The following TGM6 variants were observed in gnomAD, a reference collection of about 807,000 sequenced individuals.
TGM6 encodes the protein transglutaminase 6, also known as protein-glutamine gamma-glutamyltransferase 6.
Under a neutral mutation model 77.5 loss-of-function variants are expected in TGM6, and 74 were observed. The ratio of observed to expected loss-of-function variants is 0.96; its 90% CI spans 0.79 to 1.16. The LOEUF is 1.16. TGM6 is among the 50% of genes most tolerant of loss of function. The pLI is 0.00. For missense variants in TGM6, 968 were observed against 940.2 expected (o/e 1.03, Z -0.39); for synonymous variants, 383 against 378.9 (o/e 1.01, Z -0.12).
chr20:2,409,755 T>TA (rs1201103646), intron 9 of TGM6, among the ~76,000 whole-genome samples: 1 of 147,364 alleles, frequency 6.8e-6, no homozygotes, highest in African/African-American at 2.5e-5. Context: ...ACTAAACACC[T>TA]AAAAAAGCAG....
chr20:2,416,953 C>A (rs1327712057), intron 9 of TGM6, among the ~76,000 whole-genome samples: 3 of 152,104 alleles, frequency 2.0e-5, no homozygotes, highest in Admixed American at 1.3e-4. Context: ...AAAAATATAG[C>A]ACCAAGTGCT....
chr20:2,432,246 C>T (rs980961239), intron 12 of TGM6, among the ~76,000 whole-genome samples: 29 of 152,096 alleles, frequency 1.9e-4, no homozygotes, highest in African/African-American at 6.8e-4. Context: ...TGAGGTTTCA[C>T]CACGTTGGCC....
At chr20:2,406,831 C>CAA (rs3050731) in intron 9 of TGM6, among the ~76,000 whole-genome samples, 5,508 of 63,376 alleles carry the variant, frequency 0.087, 1,362 homozygotes, top group Non-Finnish European at 0.14. Flanking sequence ...CGAAACTCCT[C>CAA]AAAAAAAAAA....
intron 9 of TGM6, among the ~76,000 whole-genome samples, chr20:2,404,846 G>A (rs2084739142): frequency 6.6e-6 from 1 of 151,996 alleles, no homozygotes; most frequent in Non-Finnish European, 1.5e-5. Flanking sequence ...TCACCATGTT[G>A]GCCAGGCTGC....
intron 7 of TGM6, among the ~76,000 whole-genome samples, chr20:2,402,649 G>A (rs1188024295): frequency 6.6e-6 from 1 of 152,204 alleles, no homozygotes; most frequent in Non-Finnish European, 1.5e-5. Context: ...GCCAAGTCAG[G>A]CAAACCGGGA....
In TGM6 at chr20:2,400,352, C is replaced by T. The variant is rs183923697; in HGVS notation, c.897C>T (p.Asn299=). 1.4e-5 allele frequency: 22 copies of T among 1,614,224 alleles called. No individual in the cohort carries two copies. The African/African-American group carries it at 2.5e-4, about 19-fold the overall frequency. The change falls in exon 7 of 13, where the codon AAC becomes AAT. Residue 299 remains asparagine, a synonymous_variant. Transcript: ENST00000202625. ...GIATRVVSNF[N]SAHDTDQNLS... ...CCACACGGGTCGTGTCCAACTTCAA[C>T]TCAGCCCACGACACAGACCAGAACC...
intron 10 of TGM6, 35 bp downstream of exon 10, chr20:2,417,608 A>G (rs2122411011): frequency 6.4e-7 from 1 of 1,570,670 alleles, no homozygotes; most frequent in South Asian, 1.1e-5. Flanking sequence ...ATCAGGCCAA[A>G]CCACCTCCTT....
intron 1 of TGM6, among the ~76,000 whole-genome samples, chr20:2,388,703 T>A (rs1427523011): frequency 6.6e-6 from 1 of 152,068 alleles, no homozygotes; most frequent in Admixed American, 6.5e-5. Flanking sequence ...AGTACCTCCC[T>A]CATATGGTTT....
intron 10 of TGM6, among the ~76,000 whole-genome samples, chr20:2,429,277 G>A (rs1568672696): frequency 6.6e-6 from 1 of 152,136 alleles, no homozygotes; most frequent in Non-Finnish European, 1.5e-5. Context: ...CCCTGGGGTA[G>A]CAGAGCGCAT....
chr20:2,427,187 C>T (rs1223513153), intron 10 of TGM6, among the ~76,000 whole-genome samples: 1 of 151,958 alleles, frequency 6.6e-6, no homozygotes, highest in African/African-American at 2.4e-5. Context: ...TAGATATAGG[C>T]CTATTCATGT....
At chr20:2,419,967 A>G (rs532401162) in intron 10 of TGM6, among the ~76,000 whole-genome samples, 2 of 152,184 alleles carry the variant, frequency 1.3e-5, no homozygotes, top group African/African-American at 4.8e-5. Flanking sequence ...TTCTTGGGCC[A>G]GGCGCAGTGG....
Position 2,427,517 on chromosome 20 carries a change from T to G in TGM6, c.1679-2929T>G, listed in dbSNP as rs574795934. Reference sequence around the variant, plus strand: ...TTTTGGTTTTGGTGATTTTCTCTATTGATCTCTGATTTTCAATTTTACTGA... The same window carrying G: ...TTTTGGTTTTGGTGATTTTCTCTATGGATCTCTGATTTTCAATTTTACTGA... On this transcript the variant is annotated intron_variant, in intron 10 of 12. Coordinates refer to ENST00000202625, the MANE Select transcript of TGM6 (RefSeq NM_198994.3). Among the ~76,000 whole-genome samples, 6 of 152,314 alleles carry G rather than the reference T, an allele frequency of 3.9e-5. No homozygotes were observed. The South Asian group carries it at 1.2e-3, about 32-fold the overall frequency.
chr20:2,400,340 G>C lies in TGM6; in HGVS notation c.885G>C (p.Val295=). The C allele has an allele frequency of 6.2e-7, 1 of 1,614,208 alleles. No homozygotes were observed. Among genetic ancestry groups the C allele is most frequent in the Non-Finnish European group, 8.5e-7 (1 of 1,180,040 alleles). ...GCTTGGGGATAGCCACACGGGTCGT[G>C]TCCAACTTCAACTCAGCCCACGACA... ...LRCLGIATRV[V]SNFNSAHDTD... Residue 295 remains valine (V), a synonymous_variant, in exon 7 of 13, where the codon GTG becomes GTC. Transcript: ENST00000202625.
intron 1 of TGM6, among the ~76,000 whole-genome samples, chr20:2,388,680 T>C (rs944577966): frequency 6.6e-6 from 1 of 151,728 alleles, no homozygotes; most frequent in African/African-American, 2.4e-5. Flanking sequence ...ATCTGTGACA[T>C]TGAGTTAACA....
intron 5 of TGM6, among the ~76,000 whole-genome samples, chr20:2,398,331 C>T (rs1386484409): frequency 6.6e-6 from 1 of 152,128 alleles, no homozygotes; most frequent in African/African-American, 2.4e-5. Flanking sequence ...TTTAACAGGA[C>T]CTCTGTCTGG....
chr20:2,432,577 C>G lies in TGM6; in HGVS notation c.2055C>G (p.Asp685Glu). The G allele has an allele frequency of 6.2e-7, 1 of 1,614,092 alleles. No individual in the cohort carries two copies. The highest frequency in any genetic ancestry group is 8.5e-7 in the Non-Finnish European group (1 of 1,180,004). ...GTGGCCCAAGGCAGCTGCAGGTGGA[C>G]CTTGTAAGCCCTCACTTCCCGGACA... Reference protein sequence around the residue: ...SKSGPRQLQVDLVSPHFPDIK... With the variant: ...SKSGPRQLQVELVSPHFPDIK... Residue 685 changes from aspartate to glutamate, a missense_variant, in exon 13 of 13, where the codon GAC becomes GAG. By Grantham distance (45) the Asp-to-Glu change is conservative (BLOSUM62 2). Coordinates refer to ENST00000202625, the MANE Select transcript of TGM6 (RefSeq NM_198994.3).
chr20:2,396,376 C>G, intron 3 of TGM6, 130 bp from the exon 4 acceptor site: 5 of 869,804 alleles, frequency 5.7e-6, no homozygotes, highest in Non-Finnish European at 9.8e-6. Flanking sequence ...GCTCGCAAGC[C>G]CCCTCTTGAC....
intron 10 of TGM6, among the ~76,000 whole-genome samples, chr20:2,421,178 G>C (rs990531285): frequency 6.6e-6 from 1 of 152,104 alleles, no homozygotes; most frequent in Non-Finnish European, 1.5e-5. Context: ...GTAAAGACAG[G>C]GTTTCACCAT....
chr20:2,430,358 G>A (rs1441605310), intron 10 of TGM6, 88 bp from the exon 11 acceptor site: 2 of 1,519,580 alleles, frequency 1.3e-6, no homozygotes, highest in South Asian at 1.1e-5. Context: ...AGAGAAAGGA[G>A]CTATTAGTTG....
Sources: allele counts gnomAD v4.1 joint callset (sites outside exome capture counted in the v4.1 genomes callset), GRCh38; gene constraint gnomAD v4.1.1; transcripts MANE v1.5; gene names NCBI Gene and HGNC (gene_info 2026-07-23, HGNC 2026-07-21).